Variants in KIAA1217 observed in about 807,000 individuals in gnomAD.
The protein encoded by KIAA1217 is KIAA1217.
KIAA1217 carries 88 observed loss-of-function variants against 163.9 expected under a neutral mutation model. The observed-to-expected ratio is 0.54, with a 90% CI of 0.45 to 0.64. The LOEUF (loss-of-function observed/expected upper bound fraction) is 0.64, where lower values mean the gene tolerates loss of function less well. Among genes scored for constraint, KIAA1217 ranks in the 30% least tolerant of loss-of-function variants. The probability of loss-of-function intolerance (pLI) is 0.00; values close to 1 mark genes in which losing one functional copy is unlikely to be tolerated. For synonymous variants in KIAA1217, 903 were observed against 923.1 expected (o/e 0.98, Z 0.39); for missense variants, 2,372 against 2,475.0 (o/e 0.96, Z 0.88).
Position 24,022,108 on chromosome 10 carries a change from T to C in KIAA1217, c.-171+14734T>C, listed in dbSNP as rs868426235. On this transcript the variant is annotated intron_variant, in intron 2 of 18. Coordinates refer to the KIAA1217 transcript ENST00000376462. ...AGAAAAAAACTGACAAACTGGACTTTATTAAGATGAAAACTCCTGCTCTGT... is the reference window on the plus strand; with the variant it reads ...AGAAAAAAACTGACAAACTGGACTTCATTAAGATGAAAACTCCTGCTCTGT... Among the ~76,000 whole-genome samples the C allele has an allele frequency of 3.3e-4, 50 of 151,748 alleles. No homozygotes were observed. In the Middle Eastern group the frequency reaches 0.01, roughly 31 times the overall value.
intron 2 of KIAA1217, among the ~76,000 whole-genome samples, chr10:24,064,440 C>T (rs1461634231): frequency 3.3e-5 from 5 of 152,192 alleles, no homozygotes; most frequent in East Asian, 3.9e-4. Context: ...TGCTGGATTA[C>T]GTTTATTGAT....
At chr10:23,884,411 G>A (rs142969526) in intron 1 of KIAA1217, among the ~76,000 whole-genome samples, 102 of 152,022 alleles carry the variant, frequency 6.7e-4, no homozygotes, top group Non-Finnish European at 1.1e-3. Context: ...TCTAAAGCTT[G>A]AAAGGATGTT....
At chr10:24,445,794 G>A (rs1329438037) in intron 5 of KIAA1217, among the ~76,000 whole-genome samples, 6 of 151,870 alleles carry the variant, frequency 4.0e-5, no homozygotes, top group African/African-American at 1.2e-4. Context: ...TGGACATTTG[G>A]GTTGGTTCCA....
At chr10:24,250,959 G>T (rs949800144) in intron 2 of KIAA1217, among the ~76,000 whole-genome samples, 5 of 151,738 alleles carry the variant, frequency 3.3e-5, no homozygotes, top group African/African-American at 1.2e-4. Flanking sequence ...AGGTGCTATG[G>T]CTCACACCTG....
intron 1 of KIAA1217, among the ~76,000 whole-genome samples, chr10:23,796,640 G>A (rs1420631915): frequency 6.6e-6 from 1 of 152,056 alleles, no homozygotes; most frequent in Admixed American, 6.6e-5. Context: ...TGGGATTATA[G>A]GCATGAATCA....
chr10:24,235,885 G>A (rs144572033), intron 2 of KIAA1217, among the ~76,000 whole-genome samples: 28 of 152,244 alleles, frequency 1.8e-4, no homozygotes, highest in African/African-American at 6.3e-4. Flanking sequence ...GCATGGCTTC[G>A]TTTAGTTAGG....
rs140522806 is a variant in KIAA1217 at position 24,028,584 on chromosome 10, C to T, written c.-171+21210C>T. Among the ~76,000 whole-genome samples, 224 of 152,206 alleles carry T rather than the reference C, an allele frequency of 1.5e-3. 2 individuals carry two copies. In the East Asian group the frequency reaches 0.022, roughly 15 times the overall value. The stretch of plus-strand genomic sequence containing the variant: ...CAAATTAAATCCAGGAAAGCTGTCA[C>T]ATCAGGGTCCAAGGAGCATGTGACC... On this transcript the variant is annotated intron_variant, in intron 2 of 18. Coordinates refer to the KIAA1217 transcript ENST00000376462.
At chr10:24,414,292 G>A (rs1284090413) in intron 3 of KIAA1217, among the ~76,000 whole-genome samples, 2 of 152,166 alleles carry the variant, frequency 1.3e-5, no homozygotes, top group Non-Finnish European at 2.9e-5. Flanking sequence ...TGTTATATAA[G>A]CATAATGTTT....
chr10:24,128,199 A>T (rs1385679400), intron 2 of KIAA1217, among the ~76,000 whole-genome samples: 1 of 152,184 alleles, frequency 6.6e-6, no homozygotes, highest in Non-Finnish European at 1.5e-5. Context: ...GGCCCTGGTC[A>T]GTGGTTTACA....
rs1168943568 is a variant in KIAA1217 at position 24,392,952 on chromosome 10, A to G, written c.553+11885A>G. On this transcript the variant is annotated intron_variant, in intron 3 of 20. Coordinates refer to ENST00000376454, the MANE Select transcript of KIAA1217 (RefSeq NM_019590.5). ...TTACACACATTATTTTTTTTTAATT[A>G]AAAGTTTCTGGCTGAGTCAATTTTT... 2.0e-5 allele frequency among the ~76,000 whole-genome samples: 3 copies of G among 152,158 alleles called. No individual in the cohort carries two copies. In the East Asian group the frequency reaches 5.8e-4, roughly 29 times the overall value.
At chr10:23,925,297 C>T (rs868424856) in intron 1 of KIAA1217, among the ~76,000 whole-genome samples, 1 of 152,162 alleles carries the variant, frequency 6.6e-6, no homozygotes, top group African/African-American at 2.4e-5. Context: ...TGCCCCTGAT[C>T]AACAAATATT....
intron 2 of KIAA1217, among the ~76,000 whole-genome samples, chr10:24,119,928 C>T (rs1010519862): frequency 1.3e-5 from 2 of 152,336 alleles, no homozygotes; most frequent in African/African-American, 2.4e-5. Context: ...AGGCTCTCTA[C>T]GGACCAGCAT....
chr10:23,841,318 A>T lies in KIAA1217; in HGVS notation c.-321+146084A>T, dbSNP rs1838769460. 4.6e-5 allele frequency among the ~76,000 whole-genome samples: 7 copies of T among 152,324 alleles called. No individual in the cohort carries two copies. The South Asian group carries it at 1.5e-3, about 32-fold the overall frequency. On this transcript the variant is annotated intron_variant, in intron 1 of 18. Coordinates refer to the KIAA1217 transcript ENST00000376462. ...AAACAACAACTGTAAAGACCCTGAG[A>T]TAGGAATGAATTTGTCCTGTTCAAG...
chr10:23,828,600 G>T (rs1471625286), intron 1 of KIAA1217, among the ~76,000 whole-genome samples: 1 of 152,166 alleles, frequency 6.6e-6, no homozygotes, highest in African/African-American at 2.4e-5. Context: ...AAATGTTTTT[G>T]ATTAACAATA....
At chr10:24,228,162 T>A (rs951716258) in intron 2 of KIAA1217, among the ~76,000 whole-genome samples, 3 of 151,862 alleles carry the variant, frequency 2.0e-5, no homozygotes, top group African/African-American at 7.3e-5. Context: ...GTTGGGGGGC[T>A]GAGGTGGGAG....
intron 2 of KIAA1217, among the ~76,000 whole-genome samples, chr10:24,228,716 T>A (rs2070942927): frequency 6.6e-6 from 1 of 152,182 alleles, no homozygotes; most frequent in African/African-American, 2.4e-5. Flanking sequence ...ATATTTGTTG[T>A]ATTCAGGTTT....
At chr10:23,888,432 A>G (rs1423136506) in intron 1 of KIAA1217, among the ~76,000 whole-genome samples, 5 of 151,958 alleles carry the variant, frequency 3.3e-5, no homozygotes, top group Non-Finnish European at 7.4e-5. Context: ...GAATAGATAT[A>G]CACATCTATA....
At chr10:23,879,737 G>A (rs1840865687) in intron 1 of KIAA1217, among the ~76,000 whole-genome samples, 1 of 151,820 alleles carries the variant, frequency 6.6e-6, no homozygotes, top group African/African-American at 2.4e-5. Flanking sequence ...AGTAGGAGGT[G>A]GGGGAAAGAA....
At position 23,767,655 on chromosome 10, in the gene KIAA1217, G is replaced by A. The variant is rs183705901; in HGVS notation, c.-321+72421G>A. On this transcript the variant is annotated intron_variant, in intron 1 of 18. Coordinates refer to the KIAA1217 transcript ENST00000376462. Reference sequence around the variant, plus strand: ...GGGCGAGGTAATTGTGGATATGGGAGGAGGAAGAGGCCGTGAACCCTCAGG... The same window carrying A: ...GGGCGAGGTAATTGTGGATATGGGAAGAGGAAGAGGCCGTGAACCCTCAGG... 2.5e-3 allele frequency among the ~76,000 whole-genome samples: 379 copies of A among 152,242 alleles called. 1 individual carries two copies. The highest frequency in any genetic ancestry group is 8.9e-3 in the African/African-American group (369 of 41,526).
Sources: allele counts gnomAD v4.1 joint callset (sites outside exome capture counted in the v4.1 genomes callset), GRCh38; gene constraint gnomAD v4.1.1; transcripts MANE v1.5; gene names NCBI Gene and HGNC (gene_info 2026-07-23, HGNC 2026-07-21).